The following LRP1B variants were observed in gnomAD, a reference collection of about 807,000 sequenced individuals.
LRP1B encodes LDL receptor related protein 1B, also known as low-density lipoprotein receptor-related protein 1B.
LRP1B carries 217 observed loss-of-function variants against 556.6 expected under a neutral mutation model. The observed-to-expected ratio is 0.39, with a 90% CI of 0.35 to 0.44. The LOEUF is 0.44. Among genes scored for constraint, LRP1B ranks in the 20% least tolerant of loss-of-function variants. The pLI is 1.00. For missense variants in LRP1B, 5,053 were observed against 5,620.8 expected (o/e 0.90, Z 3.23); for synonymous variants, 2,047 against 1,865.8 (o/e 1.10, Z -2.50).
intron 43 of LRP1B, among the ~76,000 whole-genome samples, chr2:140,545,401 G>A (rs780866676): frequency 9.9e-5 from 15 of 151,966 alleles, no homozygotes; most frequent in Non-Finnish European, 2.1e-4. Flanking sequence ...TTGTCTTCCA[G>A]GGTTTTTATA....
intron 2 of LRP1B, among the ~76,000 whole-genome samples, chr2:141,552,686 G>A (rs1685798236): frequency 6.6e-6 from 1 of 151,880 alleles, no homozygotes; most frequent in African/African-American, 2.4e-5. Flanking sequence ...ATGTTCTTGA[G>A]AAAATTCAGG....
intron 1 of LRP1B, among the ~76,000 whole-genome samples, chr2:142,112,454 G>T (rs916833062): frequency 2.0e-5 from 3 of 152,134 alleles, no homozygotes; most frequent in Admixed American, 6.6e-5. Flanking sequence ...AGCCATAAAA[G>T]ATAGAGAAAA....
At chr2:141,366,347 T>C (rs1291107364) in intron 3 of LRP1B, among the ~76,000 whole-genome samples, 1 of 152,220 alleles carries the variant, frequency 6.6e-6, no homozygotes, top group Non-Finnish European at 1.5e-5. Flanking sequence ...AATCTTTAGT[T>C]ACATAGTTGA....
intron 2 of LRP1B, among the ~76,000 whole-genome samples, chr2:141,762,740 C>A (rs1436060369): frequency 1.3e-5 from 2 of 152,082 alleles, no homozygotes; most frequent in Non-Finnish European, 2.9e-5. Flanking sequence ...TCATTACTTG[C>A]GTGACTATAG....
intron 2 of LRP1B, among the ~76,000 whole-genome samples, chr2:141,544,341 T>TTCTTCTTCTTCTTC (rs1685438538): frequency 1.3e-4 from 9 of 71,530 alleles, no homozygotes; most frequent in African/African-American, 5.4e-4. Context: ...CTTCTTCTTC[T>TTCTTCTTCTTCTTC]TCTTCTTCTT....
intron 2 of LRP1B, among the ~76,000 whole-genome samples, chr2:141,698,909 A>G (rs1691835685): frequency 1.3e-5 from 2 of 151,798 alleles, no homozygotes; most frequent in African/African-American, 4.8e-5. Flanking sequence ...TTCAGCCAGG[A>G]CCCAGAGTTA....
chr2:140,550,047 C>G (rs1680490237), intron 43 of LRP1B, among the ~76,000 whole-genome samples: 1 of 152,036 alleles, frequency 6.6e-6, no homozygotes, highest in African/African-American at 2.4e-5. Context: ...TGATGTTCCC[C>G]TCCTTGTGTC....
chr2:140,307,326 TA>T (rs1256909851), intron 83 of LRP1B, among the ~76,000 whole-genome samples: 11 of 151,970 alleles, frequency 7.2e-5, no homozygotes, highest in African/African-American at 2.7e-4. Context: ...CAGTCCACAG[TA>T]ACTGGAAGTT....
chr2:141,450,381 A>C (rs1681372254), intron 3 of LRP1B, among the ~76,000 whole-genome samples: 1 of 152,138 alleles, frequency 6.6e-6, no homozygotes, highest in Non-Finnish European at 1.5e-5. Flanking sequence ...TTTAATCCTC[A>C]GTTTCTTCAT....
intron 2 of LRP1B, among the ~76,000 whole-genome samples, chr2:141,639,420 A>T (rs1359874624): frequency 5.2e-5 from 7 of 134,788 alleles, no homozygotes; most frequent in South Asian, 2.4e-4. Context: ...ATATATATAT[A>T]TATTTTTTTT....
In LRP1B at chr2:141,096,465, G is replaced by A. The variant is rs575476039; in HGVS notation, c.1014-34192C>T. 2.0e-5 allele frequency among the ~76,000 whole-genome samples: 3 copies of A among 152,140 alleles called. No individual in the cohort carries two copies. The South Asian group carries it at 6.2e-4, about 32-fold the overall frequency. ...TATCCCGGGATGATGATGCATGCCTGTAATCCCAGCTACTGGGGAGGCTGA... is the reference window on the plus strand; with the variant it reads ...TATCCCGGGATGATGATGCATGCCTATAATCCCAGCTACTGGGGAGGCTGA... On this transcript the variant is annotated intron_variant, in intron 7 of 90. Coordinates refer to ENST00000389484, the MANE Select transcript of LRP1B (RefSeq NM_018557.3).
intron 1 of LRP1B, among the ~76,000 whole-genome samples, chr2:141,887,147 C>CA (rs1699148960): frequency 6.6e-6 from 1 of 151,992 alleles, no homozygotes; most frequent in South Asian, 2.1e-4. Context: ...AGGCATGTGC[C>CA]ACCATGCCTT....
intron 1 of LRP1B, among the ~76,000 whole-genome samples, chr2:142,049,101 T>A (rs1250556754): frequency 2.0e-5 from 3 of 152,002 alleles, no homozygotes. Context: ...ATTCAAGAAC[T>A]CCAGAAAGAA....
At chr2:140,797,089 G>A (rs1690342174) in intron 32 of LRP1B, among the ~76,000 whole-genome samples, 1 of 151,840 alleles carries the variant, frequency 6.6e-6, no homozygotes, top group Non-Finnish European at 1.5e-5. Flanking sequence ...ACAGGCAGCA[G>A]CTGGGATTAT....
intron 31 of LRP1B, among the ~76,000 whole-genome samples, chr2:140,832,797 TAGAA>T (rs1243665202): frequency 6.6e-6 from 1 of 152,068 alleles, no homozygotes; most frequent in African/African-American, 2.4e-5. Flanking sequence ...AAAGTACAGT[TAGAA>T]AGAATAAGAT....
intron 66 of LRP1B, among the ~76,000 whole-genome samples, chr2:140,398,809 T>A (rs568365162): frequency 6.6e-6 from 1 of 152,314 alleles, no homozygotes; most frequent in East Asian, 1.9e-4. Context: ...TATTATTATT[T>A]GTTTCCCTAT....
At chr2:140,708,197 A>T (rs1215334896) in intron 37 of LRP1B, among the ~76,000 whole-genome samples, 1 of 152,068 alleles carries the variant, frequency 6.6e-6, no homozygotes, top group Non-Finnish European at 1.5e-5. Context: ...TTGAACAATG[A>T]TAATGTTGAA....
At position 140,753,025 on chromosome 2, in the gene LRP1B, C is replaced by T. The variant is rs142999126; in HGVS notation, c.5758+16188G>A. ...ACTGCCCTAAAACTCCTCTATGCTC[C>T]ATCTATTAATATCACCCTTCCCCCA... On this transcript the variant is annotated intron_variant, in intron 35 of 90. Transcript: ENST00000389484. 7.4e-3 allele frequency among the ~76,000 whole-genome samples: 1,123 copies of T among 152,256 alleles called. 5 individuals carry two copies. The highest frequency in any genetic ancestry group is 0.011 in the Non-Finnish European group (765 of 68,004).
In LRP1B at chr2:141,057,077, G is replaced by A. The variant is rs562884081; in HGVS notation, c.1408+1806C>T. On this transcript the variant is annotated intron_variant, in intron 9 of 90. Coordinates refer to ENST00000389484, the MANE Select transcript of LRP1B (RefSeq NM_018557.3). ...ACTACTTCTTACCACTTTCACTGCT[G>A]GATCTTGATCCAATCCACCATCCTC... 3.3e-5 allele frequency among the ~76,000 whole-genome samples: 5 copies of A among 151,740 alleles called. No homozygotes were observed. The East Asian group carries it at 9.8e-4, about 30-fold the overall frequency.
Sources: gnomAD v4.1 joint callset for allele counts (sites outside exome capture counted in the v4.1 genomes callset) on GRCh38, gnomAD v4.1.1 for gene constraint, MANE v1.5 for transcripts, NCBI Gene and HGNC (gene_info 2026-07-23, HGNC 2026-07-21) for gene names.